FAM234A: variants seen among roughly 807,000 people sequenced by gnomAD.
The protein encoded by FAM234A is family with sequence similarity 234 member A.
In FAM234A, 42 loss-of-function variants were observed where a neutral mutation model predicts 49.1. The ratio of observed to expected loss-of-function variants is 0.86; its 90% CI spans 0.67 to 1.11. FAM234A has a LOEUF of 1.11. Ranked by LOEUF, FAM234A falls within the 50% of genes least tolerant of loss-of-function variation. FAM234A has a pLI of 0.00. For synonymous variants in FAM234A, 369 were observed against 316.2 expected, an observed-to-expected ratio of 1.17 and a Z score of -1.77; for missense variants, 815 against 745.2, an observed-to-expected ratio of 1.09 and a Z score of -1.09.
At chr16:261,225 C>A (rs959432964) in intron 5 of FAM234A, 159 bp from the exon 6 acceptor site, 1 of 780,914 alleles carries the variant, frequency 1.3e-6, no homozygotes, top group Non-Finnish European at 2.0e-6. Flanking sequence ...GGAGTGCCGC[C>A]CTCCCCTCCT....
rs777699314 is a variant in FAM234A at position 254,566 on chromosome 16, G to GT, written c.159dup (p.Leu54SerfsTer40). ...GGCTCTCCCGGTGCCGAGCGGCGGCGTTTTTTCTTTCATTGTTTCTCTGCC... is the reference window on the plus strand; with the variant it reads ...GGCTCTCCCGGTGCCGAGCGGCGGCGTTTTTTTCTTTCATTGTTTCTCTGCC... On this transcript the variant is annotated frameshift_variant, in exon 3 of 13. Transcript: ENST00000399932. LOFTEE classifies it high-confidence loss of function. 5 of 1,614,050 alleles carry GT rather than the reference G, an allele frequency of 3.1e-6. No homozygotes were observed. The highest frequency in any genetic ancestry group is 1.3e-5 in the African/African-American group (1 of 74,926).
intron 3 of FAM234A, among the ~76,000 whole-genome samples, chr16:256,427 G>T (rs1042664623): frequency 1.3e-5 from 2 of 152,124 alleles, no homozygotes; most frequent in African/African-American, 2.4e-5. Context: ...GACTGAAAAT[G>T]TTGGGTCCCT....
rs74003712 is a variant in FAM234A at position 261,368 on chromosome 16, G to A, written c.578-16G>A. 4.3e-3 allele frequency: 6,939 copies of A among 1,601,824 alleles called. 148 individuals carry two copies. In the African/African-American group the frequency reaches 0.058, roughly 13 times the overall value. On this transcript the variant is annotated splice_polypyrimidine_tract_variant and intron_variant, in intron 5 of 12. Coordinates refer to ENST00000399932, the MANE Select transcript of FAM234A (RefSeq NM_032039.4). ...GGACTCAGGGCCACGTTCCGTGACC[G>A]TGTGCTTGATTCTAGGGGAAACCCT...
intron 1 of FAM234A, among the ~76,000 whole-genome samples, chr16:242,472 C>T (rs2050652161): frequency 6.6e-6 from 1 of 152,020 alleles, no homozygotes; most frequent in Admixed American, 6.6e-5. Context: ...CCTCGGCCTC[C>T]CAAAATGCTG....
downstream of FAM234A, chr16:269,116 G>A: frequency 1.1e-6 from 1 of 890,110 alleles, no homozygotes; most frequent in Non-Finnish European, 1.8e-6. Context: ...GAGGGAGGCT[G>A]TGCACCCCAC....
At position 265,842 on chromosome 16, in the gene FAM234A, C is replaced by A; in HGVS notation, c.*820C>A. ...TCAGTAGACACTGGAGCTGCTCTGT[C>A]CCTGAAGAGGCCCCGTGCCCCAGGC... On this transcript the variant is annotated 3_prime_UTR_variant, in exon 13 of 13. Coordinates refer to ENST00000399932, the MANE Select transcript of FAM234A (RefSeq NM_032039.4). The A allele has an allele frequency of 1.0e-6, 1 of 985,976 alleles. No individual in the cohort carries two copies. Among genetic ancestry groups the A allele is most frequent in the Non-Finnish European group, 1.2e-6 (1 of 830,174 alleles). 61.1% of individuals were successfully genotyped at this position (985,976 alleles called of 1,614,324 possible).
intron 1 of FAM234A, among the ~76,000 whole-genome samples, chr16:235,568 C>T (rs1868589329): frequency 6.6e-6 from 1 of 152,242 alleles, no homozygotes; most frequent in South Asian, 2.1e-4. Context: ...CACTTACTCT[C>T]TGGTTCTAAA....
At chr16:238,620 G>A (rs1022384975) in intron 1 of FAM234A, among the ~76,000 whole-genome samples, 4 of 151,448 alleles carry the variant, frequency 2.6e-5, no homozygotes, top group Admixed American at 2.0e-4. Context: ...CAAAAAATTA[G>A]CCAGGCGTGG....
chr16:242,882 G>A (rs2050670626), intron 1 of FAM234A, among the ~76,000 whole-genome samples: 1 of 152,008 alleles, frequency 6.6e-6, no homozygotes, highest in Admixed American at 6.6e-5. Context: ...AAAGTGCTGG[G>A]ATTACAGGCG....
rs571808126 is a variant in FAM234A, at chr16:262,621, C to G, written c.971+68C>G. 12 of 1,468,536 alleles carry G rather than the reference C, an allele frequency of 8.2e-6. No homozygotes were observed. In the South Asian group the frequency reaches 1.5e-4, roughly 19 times the overall value. 91.0% of individuals were successfully genotyped at this position (1,468,536 alleles called of 1,614,324 possible). ...CCATGGCTCTGCTCGCCTGCCTCAG[C>G]GTTCGGACAATCTGTGTGGAGCCCA... On this transcript the variant is annotated intron_variant, in intron 8 of 12. Coordinates refer to ENST00000399932, the MANE Select transcript of FAM234A (RefSeq NM_032039.4).
At position 265,261 on chromosome 16, in the gene FAM234A, C is replaced by T. The variant is rs1013805032; in HGVS notation, c.*239C>T. The T allele has an allele frequency of 2.5e-5, 34 of 1,350,346 alleles. No individual in the cohort carries two copies. The African/African-American group carries it at 3.8e-4, about 15-fold the overall frequency. 83.6% of individuals were successfully genotyped at this position (1,350,346 alleles called of 1,614,324 possible). A position where few individuals can be genotyped will look rare whatever the true frequency, so the allele number is the denominator to read the frequency against. On this transcript the variant is annotated 3_prime_UTR_variant, in exon 13 of 13. Coordinates refer to ENST00000399932, the MANE Select transcript of FAM234A (RefSeq NM_032039.4). Reference sequence around the variant, plus strand: ...TCCTCCCTGAGTCCCCACACAGGGCCTCACTCTGCACCCCACCAGGGTCCC... The same window carrying T: ...TCCTCCCTGAGTCCCCACACAGGGCTTCACTCTGCACCCCACCAGGGTCCC...
chr16:236,610 G>A (rs2050408421), intron 1 of FAM234A, among the ~76,000 whole-genome samples: 1 of 142,198 alleles, frequency 7.0e-6, no homozygotes, highest in Non-Finnish European at 1.5e-5. Context: ...TAGCGAGACT[G>A]TCTCAAAATA....
intron 1 of FAM234A, among the ~76,000 whole-genome samples, chr16:238,498 G>C (rs1199562940): frequency 1.3e-5 from 2 of 152,108 alleles, no homozygotes; most frequent in African/African-American, 4.8e-5. Flanking sequence ...CAGGCACGGT[G>C]GCTCACGCCT....
At chr16:241,986 A>G (rs1021957497) in intron 1 of FAM234A, among the ~76,000 whole-genome samples, 3 of 151,942 alleles carry the variant, frequency 2.0e-5, no homozygotes, top group African/African-American at 7.3e-5. Context: ...AACTTCTTAG[A>G]GAAAGAACTC....
chr16:240,502 AT>A (rs11341453), intron 1 of FAM234A, among the ~76,000 whole-genome samples: 18,277 of 131,748 alleles, frequency 0.14, 1,380 homozygotes, highest in East Asian at 0.41. Flanking sequence ...ATCTGGGTGT[AT>A]TTTTTTTTTT....
chr16:244,135 A>C (rs1327597515), intron 1 of FAM234A, among the ~76,000 whole-genome samples: 1 of 151,706 alleles, frequency 6.6e-6, no homozygotes, highest in African/African-American at 2.4e-5. Context: ...CGCCCGGCTA[A>C]TTTTTTCTAT....
intron 2 of FAM234A, 92 bp downstream of exon 2, chr16:249,746 C>T (rs2050932269): frequency 6.6e-6 from 1 of 152,000 alleles, no homozygotes; most frequent in Admixed American, 6.6e-5. Context: ...GTAGTGCTTT[C>T]CTGCACGCTT....
chr16:251,653 A>C (rs765048196), intron 2 of FAM234A, among the ~76,000 whole-genome samples: 1 of 141,898 alleles, frequency 7.0e-6, no homozygotes, highest in Non-Finnish European at 1.5e-5. Context: ...CTGCGATTAC[A>C]GGCATAAGCC....
intron 6 of FAM234A, 31 bp from the exon 7 acceptor site, chr16:262,062 T>G (rs761774131): frequency 2.5e-6 from 4 of 1,605,850 alleles, no homozygotes; most frequent in Non-Finnish European, 3.4e-6. Context: ...CTCAGGTCCC[T>G]CTCTTCCTGT....
Sources: gnomAD v4.1 joint callset for allele counts (sites outside exome capture counted in the v4.1 genomes callset) on GRCh38, gnomAD v4.1.1 for gene constraint, MANE v1.5 for transcripts, NCBI Gene and HGNC (gene_info 2026-07-23, HGNC 2026-07-21) for gene names.